The following UNC5D variants were observed in gnomAD, a reference collection of about 807,000 sequenced individuals.
The protein encoded by UNC5D is unc-5 netrin receptor D.
Under a neutral mutation model 105.4 loss-of-function variants are expected in UNC5D, and 39 were observed. The ratio of observed to expected loss-of-function variants is 0.37; its 90% confidence interval spans 0.29 to 0.48. The LOEUF (loss-of-function observed/expected upper bound fraction) is 0.48. Ranked by LOEUF, UNC5D falls within the 20% of genes least tolerant of loss-of-function variation. UNC5D has a pLI of 0.98. For synonymous variants in UNC5D, 452 were observed against 450.4 expected, an observed-to-expected ratio of 1.00 and a Z score of -0.04; for missense variants, 991 against 1,202.4, an observed-to-expected ratio of 0.82 and a Z score of 2.60.
intron 3 of UNC5D, among the ~76,000 whole-genome samples, chr8:35,590,224 T>A (rs927459520): frequency 1.3e-5 from 2 of 152,256 alleles, no homozygotes; most frequent in Admixed American, 1.3e-4. Flanking sequence ...GCCCTTGATG[T>A]TGCTTATAAT....
chr8:35,590,345 T>C (rs888971350), intron 3 of UNC5D, among the ~76,000 whole-genome samples: 1 of 151,560 alleles, frequency 6.6e-6, no homozygotes, highest in Non-Finnish European at 1.5e-5. Context: ...TAAGATCCAA[T>C]GAATATTTTA....
intron 4 of UNC5D, among the ~76,000 whole-genome samples, chr8:35,622,307 A>T (rs1441248089): frequency 1.3e-5 from 2 of 152,112 alleles, no homozygotes; most frequent in Non-Finnish European, 2.9e-5. Context: ...GCACCACTGC[A>T]CTCCAGCCTG....
At chr8:35,416,426 C>T (rs1435269862) in intron 1 of UNC5D, among the ~76,000 whole-genome samples, 1 of 152,080 alleles carries the variant, frequency 6.6e-6, no homozygotes, top group African/African-American at 2.4e-5. Context: ...TAATTGAGAA[C>T]ACATTTAAAT....
At position 35,271,710 on chromosome 8, in the gene UNC5D, T is replaced by TATGTATACATGTATAC. The variant is rs1805387884; in HGVS notation, c.103+35825_103+35826insGTATACATGTATACAT. Among the ~76,000 whole-genome samples, 8 of 115,914 alleles carry TATGTATACATGTATAC rather than the reference T, an allele frequency of 6.9e-5. 1 individual carries two copies. The highest frequency in any genetic ancestry group is 1.1e-4 in the Non-Finnish European group (6 of 55,264). The allele number at this position is 115,914 out of a possible 152,430, so 76.0% of individuals were successfully genotyped here. ...ATACATGTATACATGTATACATATA[T>TATGTATACATGTATAC]ATTTATACATGTATACATGTATACA... On this transcript the variant is annotated intron_variant, in intron 1 of 16. Coordinates refer to ENST00000404895, the MANE Select transcript of UNC5D (RefSeq NM_080872.4).
intron 7 of UNC5D, among the ~76,000 whole-genome samples, chr8:35,702,627 A>G (rs1827286182): frequency 6.6e-6 from 1 of 152,358 alleles, no homozygotes; most frequent in East Asian, 1.9e-4. Flanking sequence ...ATAAAAGATC[A>G]TAGAGTGGGT....
chr8:35,711,816 T>TA (rs1827984582), intron 8 of UNC5D, among the ~76,000 whole-genome samples: 1 of 152,210 alleles, frequency 6.6e-6, no homozygotes, highest in Non-Finnish European at 1.5e-5. Flanking sequence ...TATTCTGGTC[T>TA]GGATTCCCTA....
chr8:35,758,557 C>A (rs531067878), intron 13 of UNC5D, among the ~76,000 whole-genome samples: 1 of 152,226 alleles, frequency 6.6e-6, no homozygotes, highest in South Asian at 2.1e-4. Flanking sequence ...TTTGTTATTC[C>A]ATTTCTTATA....
chr8:35,732,804 GA>G (rs1202556476), intron 11 of UNC5D, among the ~76,000 whole-genome samples: 1 of 152,038 alleles, frequency 6.6e-6, no homozygotes, highest in Non-Finnish European at 1.5e-5. Flanking sequence ...CTCATCACAT[GA>G]GAACCAACTT....
rs139409171 is a variant in UNC5D at position 35,562,078 on chromosome 8, T to C, written c.323-6020T>C. On this transcript the variant is annotated intron_variant, in intron 2 of 16. Coordinates refer to ENST00000404895, the MANE Select transcript of UNC5D (RefSeq NM_080872.4). ...ACCACCAGTCTACTCTCTATTTTCA[T>C]GAGATCCACTTTTTCAGTTCCCACA... Among the ~76,000 whole-genome samples the C allele has an allele frequency of 2.4e-3, 361 of 152,288 alleles. 2 individuals carry two copies. The highest frequency in any genetic ancestry group is 8.1e-3 in the African/African-American group (338 of 41,562).
At chr8:35,356,248 T>G (rs1801545742) in intron 1 of UNC5D, among the ~76,000 whole-genome samples, 3 of 152,296 alleles carry the variant, frequency 2.0e-5, no homozygotes, top group Non-Finnish European at 4.4e-5. Flanking sequence ...ATATATTAGC[T>G]ACGTAATGAA....
rs1355343182 is a variant in UNC5D at position 35,248,225 on chromosome 8, T to C, written c.103+12338T>C. Among the ~76,000 whole-genome samples, 13 of 87,818 alleles carry C rather than the reference T, an allele frequency of 1.5e-4. No homozygotes were observed. The South Asian group carries it at 4.7e-3, about 32-fold the overall frequency. 57.6% of individuals were successfully genotyped at this position (87,818 alleles called of 152,430 possible). ...ATATAAAATATATAATATATAAATA[T>C]ATGTTATATAAAATATATAATATAT... On this transcript the variant is annotated intron_variant, in intron 1 of 16. Coordinates refer to ENST00000404895, the MANE Select transcript of UNC5D (RefSeq NM_080872.4).
chr8:35,663,583 G>GGT (rs1409361069), intron 4 of UNC5D, among the ~76,000 whole-genome samples: 6 of 152,136 alleles, frequency 3.9e-5, no homozygotes, highest in African/African-American at 1.4e-4. Flanking sequence ...GGTGGCGGGA[G>GGT]GTGTATGCAG....
At chr8:35,251,555 T>A (rs1803695715) in intron 1 of UNC5D, among the ~76,000 whole-genome samples, 1 of 152,168 alleles carries the variant, frequency 6.6e-6, no homozygotes, top group Non-Finnish European at 1.5e-5. Flanking sequence ...GGAGCTAGCC[T>A]TTTCTTGCTA....
At chr8:35,284,615 C>A (rs1200110172) in intron 1 of UNC5D, among the ~76,000 whole-genome samples, 1 of 152,132 alleles carries the variant, frequency 6.6e-6, no homozygotes, top group East Asian at 1.9e-4. Flanking sequence ...AGTGCAGTGG[C>A]ACGACCTCAG....
intron 4 of UNC5D, among the ~76,000 whole-genome samples, chr8:35,664,317 ATGTT>A (rs751604369): frequency 3.3e-5 from 5 of 152,008 alleles, no homozygotes; most frequent in Non-Finnish European, 4.4e-5. Context: ...TGTTGCTTGG[ATGTT>A]TGTTTTAATT....
intron 4 of UNC5D, among the ~76,000 whole-genome samples, chr8:35,653,958 T>A (rs992015457): frequency 6.6e-6 from 1 of 152,112 alleles, no homozygotes; most frequent in Non-Finnish European, 1.5e-5. Context: ...CATTTTTTTT[T>A]AATAATAAGC....
At chr8:35,682,798 G>C (rs1825755148) in intron 4 of UNC5D, among the ~76,000 whole-genome samples, 1 of 152,138 alleles carries the variant, frequency 6.6e-6, no homozygotes, top group Non-Finnish European at 1.5e-5. Flanking sequence ...GAAGAAAATA[G>C]GTTCTTCAGC....
At chr8:35,683,260 C>G (rs1307166811) in intron 4 of UNC5D, among the ~76,000 whole-genome samples, 1 of 152,168 alleles carries the variant, frequency 6.6e-6, no homozygotes, top group East Asian at 1.9e-4. Flanking sequence ...TAATTGCAGT[C>G]ACCTCTTTTC....
At chr8:35,629,373 C>A (rs1167575999) in intron 4 of UNC5D, among the ~76,000 whole-genome samples, 2 of 152,024 alleles carry the variant, frequency 1.3e-5, no homozygotes, top group African/African-American at 2.4e-5. Context: ...GTGTCCTTTG[C>A]CCAGTTTTTA....
Sources: gnomAD v4.1 joint callset for allele counts (sites outside exome capture counted in the v4.1 genomes callset) on GRCh38, gnomAD v4.1.1 for gene constraint, MANE v1.5 for transcripts, NCBI Gene and HGNC (gene_info 2026-07-23, HGNC 2026-07-21) for gene names.